The following GLIS3 variants were observed in gnomAD, a reference collection of about 807,000 sequenced individuals.
The protein encoded by GLIS3 is GLIS family zinc finger 3.
GLIS3 carries 53 observed loss-of-function variants against 78.6 expected under a neutral mutation model. The observed-to-expected ratio is 0.67, with a 90% CI of 0.54 to 0.85. The LOEUF (loss-of-function observed/expected upper bound fraction) is 0.85, where lower values mean the gene tolerates loss of function less well. GLIS3 is among the 40% of genes least tolerant of loss of function. The pLI, the probability that GLIS3 is intolerant of heterozygous loss-of-function variation, is 0.00. For synonymous variants in GLIS3, 684 were observed against 509.9 expected, an observed-to-expected ratio of 1.34 and a Z score of -4.60; for missense variants, 1,703 against 1,231.1, an observed-to-expected ratio of 1.38 and a Z score of -5.74.
At chr9:4,149,868 T>G (rs968828208) in intron 2 of GLIS3, among the ~76,000 whole-genome samples, 1 of 152,218 alleles carries the variant, frequency 6.6e-6, no homozygotes, top group African/African-American at 2.4e-5. Flanking sequence ...ATGATGATAA[T>G]GATGGTGATA....
chr9:4,262,304 C>T (rs1366432771), intron 2 of GLIS3, among the ~76,000 whole-genome samples: 1 of 152,142 alleles, frequency 6.6e-6, no homozygotes, highest in South Asian at 2.1e-4. Context: ...CTCACTGACA[C>T]CCGCTATTTT....
intron 2 of GLIS3, among the ~76,000 whole-genome samples, chr9:4,277,003 A>T (rs1827092087): frequency 6.6e-6 from 1 of 152,224 alleles, no homozygotes; most frequent in Non-Finnish European, 1.5e-5. Flanking sequence ...AGTGCAAGAA[A>T]ATATAAATGA....
At chr9:4,145,949 C>G (rs575752306) in intron 2 of GLIS3, among the ~76,000 whole-genome samples, 13 of 152,146 alleles carry the variant, frequency 8.5e-5, no homozygotes, top group Non-Finnish European at 1.8e-4. Context: ...ACTAACATGA[C>G]AAAAAAGTAC....
intron 2 of GLIS3, among the ~76,000 whole-genome samples, chr9:4,158,287 G>A (rs1395211311): frequency 5.9e-5 from 9 of 152,124 alleles, no homozygotes; most frequent in Admixed American, 4.6e-4. Flanking sequence ...TGAAAGAGAC[G>A]TTTTCAGTAA....
chr9:3,893,618 G>A (rs1253497673), intron 7 of GLIS3, among the ~76,000 whole-genome samples: 1 of 152,158 alleles, frequency 6.6e-6, no homozygotes, highest in Admixed American at 6.5e-5. Flanking sequence ...TCAAAATTCA[G>A]GTCATGTTTT....
At chr9:4,260,491 C>T (rs10974417) in intron 2 of GLIS3, among the ~76,000 whole-genome samples, 1 of 149,860 alleles carries the variant, frequency 6.7e-6, no homozygotes, top group African/African-American at 2.5e-5. Flanking sequence ...TGCTTGAACT[C>T]GGGGGGCAGA....
chr9:4,374,179 G>A, the GLIS3 span, among the ~76,000 whole-genome samples: 4 of 152,172 alleles, frequency 2.6e-5, no homozygotes, highest in South Asian at 6.2e-4. Flanking sequence ...CAGTGATACT[G>A]CCTTCTAATT....
chr9:4,071,997 A>G (rs1827650967), intron 4 of GLIS3: 1 of 152,208 alleles, frequency 6.6e-6, no homozygotes, highest in Non-Finnish European at 1.5e-5. Flanking sequence ...CCAGAGAATA[A>G]AGCAGACAGC....
intron 4 of GLIS3, among the ~76,000 whole-genome samples, chr9:4,086,087 T>C (rs1172665981): frequency 6.6e-6 from 1 of 152,204 alleles, no homozygotes; most frequent in Non-Finnish European, 1.5e-5. Context: ...CTTCACAGGA[T>C]CAGAAATTCA....
intron 4 of GLIS3, among the ~76,000 whole-genome samples, chr9:4,104,588 A>G (rs1163041889): frequency 6.6e-6 from 1 of 152,130 alleles, no homozygotes; most frequent in Admixed American, 6.6e-5. Context: ...ACTCAAAAGC[A>G]TCCTTTCAGT....
chr9:4,252,294 T>C (rs1290162182), intron 2 of GLIS3, among the ~76,000 whole-genome samples: 1 of 152,144 alleles, frequency 6.6e-6, no homozygotes, highest in Non-Finnish European at 1.5e-5. Context: ...CTTGGAGGCT[T>C]TGTTCATTCC....
intron 2 of GLIS3, among the ~76,000 whole-genome samples, chr9:4,321,975 C>T (rs7030168): frequency 1 from 152,170 of 152,272 alleles, 76,034 homozygotes; most frequent in Middle Eastern, 1. Context: ...GTGAGCTGCA[C>T]CCATTAACTA....
intron 2 of GLIS3, among the ~76,000 whole-genome samples, chr9:4,332,536 T>C (rs567232849): frequency 6.6e-6 from 1 of 152,194 alleles, no homozygotes; most frequent in Non-Finnish European, 1.5e-5. Context: ...GTGACAGCTG[T>C]AGTAGCCTTG....
At chr9:4,453,343 A>G in the GLIS3 span, among the ~76,000 whole-genome samples, 28 of 121,594 alleles carry the variant, frequency 2.3e-4, no homozygotes, top group Non-Finnish European at 4.1e-4. Flanking sequence ...GCTTCTGCAC[A>G]GCAAAAAAAA....
chr9:4,478,618 AC>A, the GLIS3 span, among the ~76,000 whole-genome samples: 2 of 151,828 alleles, frequency 1.3e-5, no homozygotes, highest in Non-Finnish European at 2.9e-5. Flanking sequence ...AAAAAAAAAA[AC>A]ATCAGTAGTC....
At chr9:4,284,210 T>G (rs889112329) in intron 2 of GLIS3, among the ~76,000 whole-genome samples, 1 of 152,194 alleles carries the variant, frequency 6.6e-6, no homozygotes, top group East Asian at 1.9e-4. Context: ...TACAACTCAG[T>G]GCTGTTTGAG....
intron 9 of GLIS3, among the ~76,000 whole-genome samples, chr9:3,845,803 T>G (rs1819002366): frequency 6.6e-6 from 1 of 151,910 alleles, no homozygotes; most frequent in Non-Finnish European, 1.5e-5. Flanking sequence ...GATAGAGAGC[T>G]CTCCCCTCCC....
chr9:4,243,120 C>A (rs1264518145), intron 2 of GLIS3, among the ~76,000 whole-genome samples: 3 of 152,090 alleles, frequency 2.0e-5, no homozygotes, highest in African/African-American at 7.3e-5. Flanking sequence ...ACCAAGAATC[C>A]TCTCTTGAGA....
intron 2 of GLIS3, among the ~76,000 whole-genome samples, chr9:4,246,996 T>C (rs1170295159): frequency 6.6e-6 from 1 of 152,212 alleles, no homozygotes; most frequent in African/African-American, 2.4e-5. Context: ...TGAAAAGTGG[T>C]TGAATTGTCT....
Sources: allele counts gnomAD v4.1 joint callset (sites outside exome capture counted in the v4.1 genomes callset), GRCh38; gene constraint gnomAD v4.1.1; transcripts MANE v1.5; gene names NCBI Gene and HGNC (gene_info 2026-07-23, HGNC 2026-07-21).